CACNA1B: variants seen among roughly 807,000 people sequenced by gnomAD.
CACNA1B encodes voltage-dependent N-type calcium channel subunit alpha-1B.
A neutral mutation model predicts 247.2 loss-of-function variants in CACNA1B; 70 were observed. The observed-to-expected ratio is 0.28, with a 90% confidence interval of 0.23 to 0.35. The LOEUF is 0.35. CACNA1B is among the 10% of genes least tolerant of loss of function. The pLI, the probability that CACNA1B is intolerant of heterozygous loss-of-function variation, is 1.00. For missense variants in CACNA1B, 2,367 were observed against 3,197.4 expected (o/e 0.74, Z 6.26); for synonymous variants, 1,231 against 1,294.4 (o/e 0.95, Z 1.05).
chr9:137,955,229 G>C lies in CACNA1B; in HGVS notation c.1071-469G>C, dbSNP rs920642218. ...TCTGTCCCTCCCACTTCCCACAGAG[G>C]CTTTGCATCTGAACCAACAGAGGAA... On this transcript the variant is annotated intron_variant, in intron 7 of 46. Transcript: ENST00000371372. The surrounding 1 kb of genome is among the most constrained non-coding windows in gnomAD (Gnocchi z 6.9). Among the ~76,000 whole-genome samples, 1 of 152,176 alleles carries C rather than the reference G, an allele frequency of 6.6e-6. No homozygotes were observed. Among genetic ancestry groups the C allele is most frequent in the African/African-American group, 2.4e-5 (1 of 41,438 alleles).
rs1209546472 is a variant in CACNA1B, at chr9:137,888,574, G to A, written c.530+5691G>A. ...CTCTCCGGGGGAGCTTTCCAACCAC[G>A]GCTTCTTGTTTTAGTCTAAATTAAA... On this transcript the variant is annotated intron_variant, in intron 3 of 46. Transcript: ENST00000371372. This position sits in a 1 kb window ranked among gnomAD's most constrained non-coding sequence, Gnocchi z 4.7. 1.1e-4 allele frequency among the ~76,000 whole-genome samples: 17 copies of A among 152,322 alleles called. No individual in the cohort carries two copies. Among genetic ancestry groups the A allele is most frequent in the African/African-American group, 3.6e-4 (15 of 41,574 alleles).
chr9:137,888,362 C>T lies in CACNA1B; in HGVS notation c.530+5479C>T, dbSNP rs1957046928. On this transcript the variant is annotated intron_variant, in intron 3 of 46. Transcript: ENST00000371372. The surrounding 1 kb of genome is among the most constrained non-coding windows in gnomAD (Gnocchi z 4.7). ...GTCACTGCCTCTGCCCTCCCGGGCC[C>T]CTCAGGAAGCCCCTGTCAAGCCTCT... Among the ~76,000 whole-genome samples, 2 of 152,090 alleles carry T rather than the reference C, an allele frequency of 1.3e-5. No individual in the cohort carries two copies. Among genetic ancestry groups the T allele is most frequent in the African/African-American group, 4.8e-5 (2 of 41,428 alleles).
rs541158937 is a variant in CACNA1B, at chr9:137,927,412, G to A, written c.966+9981G>A. 7.2e-5 allele frequency among the ~76,000 whole-genome samples: 11 copies of A among 152,092 alleles called. No individual in the cohort carries two copies. The East Asian group carries it at 1.5e-3, about 21-fold the overall frequency. The stretch of plus-strand genomic sequence containing the variant: ...TAATTTTTGTATTTTTAGTAGAGAC[G>A]GGGTTTCTCCATGTTGGTCAGACTG... On this transcript the variant is annotated intron_variant, in intron 6 of 46. Coordinates refer to ENST00000371372, the MANE Select transcript of CACNA1B (RefSeq NM_000718.4).
At chr9:138,032,173 C>T (rs545344886) in intron 20 of CACNA1B, among the ~76,000 whole-genome samples, 6 of 151,720 alleles carry the variant, frequency 4.0e-5, no homozygotes, top group African/African-American at 1.2e-4. Flanking sequence ...TTTTTTAAGA[C>T]CTCGTATAGG....
At chr9:138,111,522 G>A (rs1157640061) in intron 39 of CACNA1B, among the ~76,000 whole-genome samples, 2 of 146,012 alleles carry the variant, frequency 1.4e-5, no homozygotes, top group African/African-American at 5.0e-5. Context: ...GGAGCACAGA[G>A]GAATTTGGGA....
intron 20 of CACNA1B, among the ~76,000 whole-genome samples, chr9:138,037,807 T>C (rs1959065834): frequency 6.6e-6 from 1 of 152,226 alleles, no homozygotes; most frequent in Admixed American, 6.5e-5. Flanking sequence ...CATGGAGCAG[T>C]GGGTTCAGCC....
intron 6 of CACNA1B, among the ~76,000 whole-genome samples, chr9:137,926,978 G>T (rs774038745): frequency 6.6e-6 from 1 of 152,070 alleles, no homozygotes; most frequent in East Asian, 1.9e-4. Context: ...CCCATTCTAT[G>T]TGTGCCCTTT....
chr9:137,900,843 G>A (rs1957229617), intron 3 of CACNA1B, among the ~76,000 whole-genome samples: 1 of 147,582 alleles, frequency 6.8e-6, no homozygotes, highest in Non-Finnish European at 1.5e-5. Context: ...TCTGTGCTGT[G>A]TGTCCCTGTG....
chr9:138,087,345 A>G (rs1203467759), intron 36 of CACNA1B, among the ~76,000 whole-genome samples: 1 of 141,854 alleles, frequency 7.0e-6, no homozygotes, highest in Non-Finnish European at 1.5e-5. Flanking sequence ...AGATTGCACC[A>G]CTGCACTCCA....
chr9:137,983,134 T>C (rs1176001768), intron 12 of CACNA1B, among the ~76,000 whole-genome samples: 1 of 152,178 alleles, frequency 6.6e-6, no homozygotes, highest in Non-Finnish European at 1.5e-5. Flanking sequence ...GCGAAATTGG[T>C]GGAAATGACT....
intron 15 of CACNA1B, among the ~76,000 whole-genome samples, chr9:137,987,113 G>A (rs535281696): frequency 1.2e-4 from 18 of 152,314 alleles, no homozygotes; most frequent in African/African-American, 3.8e-4. Context: ...TGTAGTTCCC[G>A]GGGGGCCCAG....
At chr9:137,995,960 A>G (rs953978735) in intron 15 of CACNA1B, among the ~76,000 whole-genome samples, 3 of 152,254 alleles carry the variant, frequency 2.0e-5, no homozygotes, top group African/African-American at 7.2e-5. Flanking sequence ...CCACAGTGTG[A>G]TACCACCTCA....
At chr9:137,964,282 C>A (rs1958051697) in intron 10 of CACNA1B, among the ~76,000 whole-genome samples, 1 of 152,198 alleles carries the variant, frequency 6.6e-6, no homozygotes, top group Non-Finnish European at 1.5e-5. Flanking sequence ...TCCTGAAGTA[C>A]ATTTTCCAAC....
At chr9:137,898,066 T>G (rs1450071012) in intron 3 of CACNA1B, among the ~76,000 whole-genome samples, 1 of 152,186 alleles carries the variant, frequency 6.6e-6, no homozygotes, top group Non-Finnish European at 1.5e-5. Context: ...TTCCCCTCCA[T>G]TCCCCAAAGA....
intron 3 of CACNA1B, among the ~76,000 whole-genome samples, chr9:137,911,468 T>C (rs905559152): frequency 1.3e-5 from 2 of 152,210 alleles, no homozygotes; most frequent in Non-Finnish European, 2.9e-5. Context: ...CAGACTGGAG[T>C]GCAATGGCGC....
intron 3 of CACNA1B, among the ~76,000 whole-genome samples, chr9:137,887,578 TCTAA>T (rs1270626854): frequency 9.6e-6 from 1 of 103,982 alleles, no homozygotes; most frequent in Non-Finnish European, 1.9e-5. Context: ...GTGGAAGTCC[TCTAA>T]CTGTGTCCAA....
In CACNA1B at chr9:138,075,836, C is replaced by A; in HGVS notation, c.4875C>A (p.Ala1625=). The A allele has an allele frequency of 6.2e-7, 1 of 1,608,664 alleles. No individual in the cohort carries two copies. Among genetic ancestry groups the A allele is most frequent in the Non-Finnish European group, 8.5e-7 (1 of 1,175,948 alleles). ...IIGMQVFGNI[A]LDDDTSINRH... is the part of the protein sequence containing the mutation. Reference sequence around the variant, plus strand: ...CATTGCAGGTGTTTGGGAATATTGCCCTGGATGATGACACCAGCATCAACC... The same window carrying A: ...CATTGCAGGTGTTTGGGAATATTGCACTGGATGATGACACCAGCATCAACC... The change falls in exon 35 of 47, where the codon GCC becomes GCA. Residue 1625 remains alanine (A), a synonymous_variant. Coordinates refer to ENST00000371372, the MANE Select transcript of CACNA1B (RefSeq NM_000718.4).
Position 138,073,564 on chromosome 9 carries a change from C to T in CACNA1B, c.4751C>T (p.Thr1584Ile), listed in dbSNP as rs772475235. Residue 1584 changes from threonine (T) to isoleucine (I), a missense_variant, in exon 33 of 47, where the codon ACC becomes ATC. Physicochemically the swap from Thr to Ile is moderately conservative, Grantham distance 89. This residue lies in a region of CACNA1B where 436 missense variants were observed against 679.5 expected (regional missense o/e 0.64). Transcript: ENST00000371372. This position sits in a 1 kb window ranked among gnomAD's most constrained non-coding sequence, Gnocchi z 6.4. ...ATCAAGCTGCTCCGCCAGGGCTACA[C>T]CATCCGCATCCTGCTGTGGACCTTT... ...RLIKLLRQGYTIRILLWTFVQ... is the reference protein window; with the variant it reads ...RLIKLLRQGYIIRILLWTFVQ... 3.7e-6 allele frequency: 6 copies of T among 1,612,498 alleles called. No homozygotes were observed. In the African/African-American group the frequency reaches 6.7e-5, roughly 18 times the overall value.
Position 137,880,910 on chromosome 9 carries a change from G to A in CACNA1B, c.390+1751G>A, listed in dbSNP as rs891152379. On this transcript the variant is annotated intron_variant, in intron 2 of 46. Transcript: ENST00000371372. The surrounding 1 kb of genome is among the most constrained non-coding windows in gnomAD (Gnocchi z 4.8). ...CGGGGCTGTTTCCCACCTCCCCGTC[G>A]ACTCTGGAGCTACCTCGAGCCAGGC... is the stretch of plus-strand genomic sequence containing the variant. 3.3e-5 allele frequency among the ~76,000 whole-genome samples: 5 copies of A among 152,132 alleles called. No individual in the cohort carries two copies. Among genetic ancestry groups the A allele is most frequent in the Non-Finnish European group, 7.4e-5 (5 of 68,010 alleles).
Sources: allele counts gnomAD v4.1 joint callset (sites outside exome capture counted in the v4.1 genomes callset), GRCh38; gene constraint gnomAD v4.1.1; regional missense constraint gnomAD v4.1.1; non-coding constraint Gnocchi (gnomAD v3.1); transcripts MANE v1.5; gene names NCBI Gene and HGNC (gene_info 2026-07-23, HGNC 2026-07-21).